Variants in NTM observed in about 807,000 individuals in gnomAD.
The protein encoded by NTM is neurotrimin.
Under a neutral mutation model 42.1 loss-of-function variants are expected in NTM, and 13 were observed. The observed-to-expected ratio is 0.31, with a 90% confidence interval of 0.20 to 0.49. NTM has a LOEUF of 0.49. NTM is among the 20% of genes least tolerant of loss of function. The pLI, the probability that NTM is intolerant of heterozygous loss-of-function variation, is 0.99. For synonymous variants in NTM, 187 were observed against 179.2 expected (o/e 1.04, Z -0.35); for missense variants, 373 against 452.8 (o/e 0.82, Z 1.60).
At chr11:131,647,925 G>T (rs1471005758) in intron 1 of NTM, among the ~76,000 whole-genome samples, 1 of 152,158 alleles carries the variant, frequency 6.6e-6, no homozygotes, top group Non-Finnish European at 1.5e-5. Flanking sequence ...TGTCATGGGG[G>T]TTTGTTGGAC....
chr11:132,025,913 A>G (rs1224095747), intron 2 of NTM, among the ~76,000 whole-genome samples: 1 of 152,182 alleles, frequency 6.6e-6, no homozygotes, highest in Non-Finnish European at 1.5e-5. Flanking sequence ...AGCTTTGCAT[A>G]AAGTACAGAC....
chr11:132,120,887 G>A (rs563747327), intron 2 of NTM, among the ~76,000 whole-genome samples: 2 of 152,290 alleles, frequency 1.3e-5, no homozygotes, highest in Admixed American at 1.3e-4. Context: ...TGCTGGAAGA[G>A]GTGGGATGGA....
At chr11:132,212,244 A>G in intron 4 of NTM, 97 bp downstream of exon 4, 1 of 971,026 alleles carries the variant, frequency 1.0e-6, no homozygotes, top group Non-Finnish European at 1.5e-6. Flanking sequence ...ACTCCAGAGG[A>G]GTCTACGTTT....
intron 1 of NTM, among the ~76,000 whole-genome samples, chr11:131,429,765 C>T (rs376722579): frequency 2.1e-4 from 32 of 152,226 alleles, no homozygotes; most frequent in East Asian, 1.5e-3. Context: ...CACAGTGTTG[C>T]GCTAATTGCA....
chr11:131,412,803 G>GACGT (rs1946559622), intron 1 of NTM, among the ~76,000 whole-genome samples: 1 of 104,106 alleles, frequency 9.6e-6, no homozygotes, highest in Non-Finnish European at 2.3e-5. Context: ...CTTCTTACGG[G>GACGT]GCGTGTGTGT....
chr11:132,216,260 C>G (rs993044387), intron 4 of NTM, among the ~76,000 whole-genome samples: 1 of 152,144 alleles, frequency 6.6e-6, no homozygotes, highest in African/African-American at 2.4e-5. Context: ...ATTCTGAAAG[C>G]CTTATTGTTA....
chr11:132,137,891 G>A (rs541654756), intron 2 of NTM, among the ~76,000 whole-genome samples: 8 of 152,246 alleles, frequency 5.3e-5, no homozygotes, highest in Admixed American at 2.0e-4. Context: ...GTGGACTTGC[G>A]GACACACAGA....
intron 1 of NTM, among the ~76,000 whole-genome samples, chr11:131,844,901 G>A (rs2044723598): frequency 6.6e-6 from 1 of 151,974 alleles, no homozygotes; most frequent in Non-Finnish European, 1.5e-5. Context: ...CATATCATTA[G>A]GCAGTTTGTT....
intron 1 of NTM, among the ~76,000 whole-genome samples, chr11:131,597,363 C>A (rs572924102): frequency 1.3e-5 from 2 of 152,272 alleles, no homozygotes; most frequent in South Asian, 4.1e-4. Flanking sequence ...TTCCCCCTCA[C>A]CCTGCCTCCA....
intron 2 of NTM, among the ~76,000 whole-genome samples, chr11:132,107,011 T>C (rs1030503132): frequency 6.6e-6 from 1 of 152,186 alleles, no homozygotes; most frequent in African/African-American, 2.4e-5. Flanking sequence ...AGAATCTTTT[T>C]GTTTAAAAAA....
chr11:131,448,806 G>A (rs1361897594), intron 1 of NTM, among the ~76,000 whole-genome samples: 2 of 152,242 alleles, frequency 1.3e-5, no homozygotes, highest in Non-Finnish European at 2.9e-5. Context: ...TGGTGACCCG[G>A]AAGTCACGAC....
At chr11:131,424,860 C>T (rs1184834767) in intron 1 of NTM, among the ~76,000 whole-genome samples, 2 of 148,786 alleles carry the variant, frequency 1.3e-5, no homozygotes, top group African/African-American at 2.5e-5. Flanking sequence ...TGAGCCACCA[C>T]GCCCAGCTTT....
At chr11:131,879,340 A>T (rs1194367066) in intron 1 of NTM, among the ~76,000 whole-genome samples, 1 of 152,150 alleles carries the variant, frequency 6.6e-6, no homozygotes, top group Non-Finnish European at 1.5e-5. Flanking sequence ...AGTGATGTTA[A>T]ACCTGATTCC....
intron 2 of NTM, among the ~76,000 whole-genome samples, chr11:131,972,649 C>T (rs1447901673): frequency 1.3e-5 from 2 of 152,118 alleles, no homozygotes; most frequent in African/African-American, 4.8e-5. Flanking sequence ...GCTTTGGCCT[C>T]CACATTGCTT....
At chr11:131,984,798 CT>C (rs1455066503) in intron 2 of NTM, 2 of 152,150 alleles carry the variant, frequency 1.3e-5, no homozygotes, top group Non-Finnish European at 2.9e-5. Flanking sequence ...ATAGATATAA[CT>C]CATAGACCTA....
chr11:131,661,773 CT>C (rs1342392023), intron 1 of NTM, among the ~76,000 whole-genome samples: 2 of 152,076 alleles, frequency 1.3e-5, no homozygotes, highest in Admixed American at 6.6e-5. Flanking sequence ...TTTTTTCCCC[CT>C]GTGAGTTGCC....
chr11:131,803,117 A>G (rs138606730), intron 1 of NTM, among the ~76,000 whole-genome samples: 1 of 151,388 alleles, frequency 6.6e-6, no homozygotes, highest in Non-Finnish European at 1.5e-5. Flanking sequence ...TTTTCCCCCT[A>G]TGGCAGGAGG....
At chr11:132,004,654 A>AAC (rs142814244) in intron 2 of NTM, among the ~76,000 whole-genome samples, 4,513 of 135,666 alleles carry the variant, frequency 0.033, 71 homozygotes, top group Middle Eastern at 0.1. Flanking sequence ...ACACACACAC[A>AAC]ACACACACAC....
At chr11:131,607,071 G>T (rs2061031525) in intron 1 of NTM, among the ~76,000 whole-genome samples, 1 of 152,198 alleles carries the variant, frequency 6.6e-6, no homozygotes, top group Admixed American at 6.5e-5. Flanking sequence ...GATCTGTGTT[G>T]CTCAAACCTA....
Sources: gnomAD v4.1 joint callset for allele counts (sites outside exome capture counted in the v4.1 genomes callset) on GRCh38, gnomAD v4.1.1 for gene constraint, MANE v1.5 for transcripts, NCBI Gene and HGNC (gene_info 2026-07-23, HGNC 2026-07-21) for gene names.